ADGRD1: variants seen among roughly 807,000 people sequenced by gnomAD.
ADGRD1 encodes the protein G-protein coupled receptor 133.
In ADGRD1, 77 loss-of-function variants were observed where a neutral mutation model predicts 113.4. The observed-to-expected ratio is 0.68, with a 90% CI of 0.57 to 0.82. The LOEUF (loss-of-function observed/expected upper bound fraction) is 0.82, where lower values mean the gene tolerates loss of function less well. ADGRD1 is among the 40% of genes least tolerant of loss of function. The pLI is 0.00. For synonymous variants in ADGRD1, 474 were observed against 475.0 expected (o/e 1.00, Z 0.03); for missense variants, 1,036 against 1,139.1 (o/e 0.91, Z 1.30).
chr12:131,086,653 G>A (rs1310422021), intron 15 of ADGRD1, among the ~76,000 whole-genome samples: 1 of 152,234 alleles, frequency 6.6e-6, no homozygotes, highest in African/African-American at 2.4e-5. Flanking sequence ...CTCCTGAGCT[G>A]CAGCCCCTCA....
intron 18 of ADGRD1, 109 bp from the exon 19 acceptor site, chr12:131,118,276 C>G (rs1325983212): frequency 5.4e-6 from 4 of 743,798 alleles, no homozygotes; most frequent in African/African-American, 3.6e-5. Context: ...CCTCTGTATA[C>G]ATGTATGAGG....
chr12:131,002,782 C>G, intron 9 of ADGRD1: 1 of 1,245,318 alleles, frequency 8.0e-7, no homozygotes, highest in Non-Finnish European at 1.0e-6. Flanking sequence ...CTGCTGGTGT[C>G]CCCATCCCAG....
intron 13 of ADGRD1, among the ~76,000 whole-genome samples, chr12:131,031,191 C>T (rs1056113889): frequency 3.9e-5 from 6 of 152,202 alleles, no homozygotes; most frequent in Non-Finnish European, 8.8e-5. Context: ...CTGCTCCCTG[C>T]CTCCCACCCT....
chr12:131,049,500 C>T (rs950811974), intron 13 of ADGRD1, among the ~76,000 whole-genome samples: 1 of 152,252 alleles, frequency 6.6e-6, no homozygotes, highest in East Asian at 1.9e-4. Flanking sequence ...GACTATGTCA[C>T]TTCCTAATAT....
chr12:131,089,506 C>T (rs1025139321), intron 15 of ADGRD1, among the ~76,000 whole-genome samples: 1 of 152,138 alleles, frequency 6.6e-6, no homozygotes, highest in Non-Finnish European at 1.5e-5. Context: ...TCAGATGCTC[C>T]CTGCCTGTAG....
intron 7 of ADGRD1, among the ~76,000 whole-genome samples, chr12:130,991,380 T>C (rs1162801846): frequency 6.6e-6 from 1 of 152,158 alleles, no homozygotes; most frequent in African/African-American, 2.4e-5. Flanking sequence ...CCTGCTTGGC[T>C]TCTCTCTATG....
intron 6 of ADGRD1, 197 bp downstream of exon 6, chr12:130,987,546 G>A (rs1244697081): frequency 3.3e-6 from 2 of 607,292 alleles, no homozygotes; most frequent in African/African-American, 1.9e-5. Context: ...ATTTACTAGA[G>A]ATGCTTTGAG....
chr12:131,110,247 T>C (rs955985901), intron 18 of ADGRD1, among the ~76,000 whole-genome samples: 1 of 152,212 alleles, frequency 6.6e-6, no homozygotes, highest in Non-Finnish European at 1.5e-5. Flanking sequence ...CTTTGTTTTC[T>C]ATATGTCTAC....
At chr12:131,033,973 C>T (rs572828916) in intron 13 of ADGRD1, among the ~76,000 whole-genome samples, 21 of 152,266 alleles carry the variant, frequency 1.4e-4, no homozygotes, top group African/African-American at 3.6e-4. Flanking sequence ...AGCTCACGTC[C>T]GATTTCCACC....
intron 4 of ADGRD1, among the ~76,000 whole-genome samples, chr12:130,974,508 T>C (rs561386146): frequency 1.6e-4 from 25 of 152,296 alleles, no homozygotes; most frequent in African/African-American, 5.8e-4. Context: ...GTGGGAAGCA[T>C]TGAATTAGCC....
chr12:130,974,661 T>G (rs1872093363), intron 4 of ADGRD1, among the ~76,000 whole-genome samples: 1 of 138,672 alleles, frequency 7.2e-6, no homozygotes, highest in East Asian at 1.9e-4. Context: ...TGCTTTTATA[T>G]TTCTGATTTC....
At chr12:131,122,502 G>T (rs373611338) in intron 20 of ADGRD1, among the ~76,000 whole-genome samples, 1 of 152,076 alleles carries the variant, frequency 6.6e-6, no homozygotes, top group Non-Finnish European at 1.5e-5. Context: ...AGGTCCCCGC[G>T]CTCTCTGGGG....
intron 18 of ADGRD1, among the ~76,000 whole-genome samples, chr12:131,112,870 C>G (rs989675064): frequency 6.6e-6 from 1 of 152,204 alleles, no homozygotes; most frequent in Non-Finnish European, 1.5e-5. Context: ...CAGTGAGGCC[C>G]CAGTGTTCTG....
intron 4 of ADGRD1, chr12:130,978,059 AT>A (rs1264546206): frequency 1.3e-5 from 2 of 152,220 alleles, no homozygotes; most frequent in African/African-American, 4.8e-5. Context: ...CCCCTGTGAA[AT>A]GGGGACAGTA....
intron 14 of ADGRD1, among the ~76,000 whole-genome samples, chr12:131,078,562 G>A (rs1885827218): frequency 1.3e-5 from 2 of 152,206 alleles, no homozygotes; most frequent in African/African-American, 4.8e-5. Context: ...AAAACGGGAT[G>A]GGATTTGGTA....
rs1026711705 is a variant in ADGRD1 at position 131,050,628 on chromosome 12, C to T, written c.1474-26173C>T. Among the ~76,000 whole-genome samples the T allele has an allele frequency of 7.2e-5, 11 of 152,022 alleles. No individual in the cohort carries two copies. The highest frequency in any genetic ancestry group is 2.6e-4 in the Admixed American group (4 of 15,280). On this transcript the variant is annotated intron_variant, in intron 13 of 24. Transcript: ENST00000261654. This position sits in a 1 kb window ranked among gnomAD's most constrained non-coding sequence, Gnocchi z 4.8. ...GTGGGGGGTGCCACACACTTTTAAGCGACCAGATCCACGAGAACGCATGAT... is the reference window on the plus strand; with the variant it reads ...GTGGGGGGTGCCACACACTTTTAAGTGACCAGATCCACGAGAACGCATGAT...
rs1332477108 is a variant in ADGRD1, at chr12:131,141,062, C to T, written c.*1799C>T. 1 of 152,238 alleles carries T rather than the reference C, an allele frequency of 6.6e-6. No individual in the cohort carries two copies. 9.4% of individuals were successfully genotyped at this position (152,238 alleles called of 1,614,324 possible). ...CCACAGTGCCAGATCCTCATCACGCCGGTGAGCACCTAGAAGTGAGAACAC... is the reference window on the plus strand; with the variant it reads ...CCACAGTGCCAGATCCTCATCACGCTGGTGAGCACCTAGAAGTGAGAACAC... On this transcript the variant is annotated 3_prime_UTR_variant, in exon 25 of 25. Transcript: ENST00000261654.
At chr12:130,959,642 G>A (rs563069185) in intron 2 of ADGRD1, among the ~76,000 whole-genome samples, 13 of 152,234 alleles carry the variant, frequency 8.5e-5, no homozygotes, top group Admixed American at 4.6e-4. Flanking sequence ...CTGGTAAACC[G>A]CGTCAATAAA....
chr12:130,978,553 T>C (rs1267458356), intron 4 of ADGRD1: 1 of 152,128 alleles, frequency 6.6e-6, no homozygotes, highest in African/African-American at 2.4e-5. Flanking sequence ...ATTGTGAATT[T>C]GTTATGACTC....
Sources: gnomAD v4.1 joint callset for allele counts (sites outside exome capture counted in the v4.1 genomes callset) on GRCh38, gnomAD v4.1.1 for gene constraint, Gnocchi (gnomAD v3.1) non-coding constraint, MANE v1.5 for transcripts, NCBI Gene and HGNC (gene_info 2026-07-23, HGNC 2026-07-21) for gene names.